Variants in ZFHX3 observed in about 807,000 individuals in gnomAD.
ZFHX3 encodes the protein zinc finger homeobox protein 3.
Under a neutral mutation model 279.1 loss-of-function variants are expected in ZFHX3, and 42 were observed. That is an observed-to-expected ratio of 0.15 (90% CI 0.12 to 0.19). ZFHX3 has a LOEUF of 0.19. Ranked by LOEUF, ZFHX3 falls within the 10% of genes least tolerant of loss-of-function variation. The probability of loss-of-function intolerance (pLI) is 1.00; values close to 1 mark genes in which losing one functional copy is unlikely to be tolerated. For missense variants in ZFHX3, 4,981 were observed against 4,754.0 expected, an observed-to-expected ratio of 1.05 and a Z score of -1.40; for synonymous variants, 2,293 against 1,957.8, an observed-to-expected ratio of 1.17 and a Z score of -4.52.
intron 1 of ZFHX3, among the ~76,000 whole-genome samples, chr16:73,766,154 T>A (rs1285303274): frequency 1.3e-5 from 2 of 152,212 alleles, no homozygotes; most frequent in African/African-American, 4.8e-5. Context: ...TGTTCCAATG[T>A]CACTTTAGTC....
At chr16:72,911,302 T>C (rs1301114703) in intron 3 of ZFHX3, among the ~76,000 whole-genome samples, 3 of 152,166 alleles carry the variant, frequency 2.0e-5, no homozygotes, top group Admixed American at 1.3e-4. Flanking sequence ...AACAGCTCCA[T>C]GTTTCCCCCA....
chr16:72,819,189 A>C (rs1023345846), intron 5 of ZFHX3, among the ~76,000 whole-genome samples: 7 of 152,052 alleles, frequency 4.6e-5, no homozygotes, highest in Admixed American at 3.9e-4. Flanking sequence ...ATCACTCTTC[A>C]TCGTGACCCT....
At chr16:72,948,143 G>A (rs1017583624) in intron 3 of ZFHX3, among the ~76,000 whole-genome samples, 5 of 152,206 alleles carry the variant, frequency 3.3e-5, no homozygotes, top group South Asian at 2.1e-4. Context: ...CCCCTGTGGC[G>A]AAGCCCGGGC....
rs192467998 is a variant in ZFHX3 at position 73,765,996 on chromosome 16, T to C, written c.-1607-85756A>G. Among the ~76,000 whole-genome samples, 11 of 152,292 alleles carry C rather than the reference T, an allele frequency of 7.2e-5. No individual in the cohort carries two copies. In the East Asian group the frequency reaches 1.9e-3, roughly 27 times the overall value. On this transcript the variant is annotated intron_variant, in intron 1 of 17. Transcript: ENST00000641206. ...CAATACAGTTTCAGGTTTTGGGAAT[T>C]GGGGAGAAAAGAAAAATTAAAACTC...
intron 2 of ZFHX3, among the ~76,000 whole-genome samples, chr16:73,600,106 G>C (rs957747856): frequency 6.6e-6 from 1 of 152,174 alleles, no homozygotes; most frequent in Non-Finnish European, 1.5e-5. Context: ...GATGTTCTTT[G>C]TATCAGAATG....
intron 1 of ZFHX3, among the ~76,000 whole-genome samples, chr16:73,057,164 A>T (rs1965573628): frequency 6.6e-6 from 1 of 152,252 alleles, no homozygotes; most frequent in Non-Finnish European, 1.5e-5. Context: ...CCTACTTGAA[A>T]GCAACAAGGG....
intron 1 of ZFHX3, among the ~76,000 whole-genome samples, chr16:73,794,899 T>C (rs906645105): frequency 6.6e-6 from 1 of 152,228 alleles, no homozygotes; most frequent in Non-Finnish European, 1.5e-5. Context: ...GTTCATGTTC[T>C]AGGTAAATGA....
intron 2 of ZFHX3, among the ~76,000 whole-genome samples, chr16:73,653,831 T>C (rs1170998338): frequency 6.6e-6 from 1 of 151,382 alleles, no homozygotes; most frequent in Non-Finnish European, 1.5e-5. Flanking sequence ...TAAAAGGCAT[T>C]GAAGAAAGAA....
chr16:73,875,400 A>C (rs972835719), intron 1 of ZFHX3, among the ~76,000 whole-genome samples: 1 of 152,220 alleles, frequency 6.6e-6, no homozygotes, highest in African/African-American at 2.4e-5. Context: ...ATTGTTATAA[A>C]TCTTATCAAG....
intron 1 of ZFHX3, among the ~76,000 whole-genome samples, chr16:72,977,676 A>T (rs1962408897): frequency 6.6e-6 from 1 of 151,910 alleles, no homozygotes; most frequent in Non-Finnish European, 1.5e-5. Flanking sequence ...CAGGGGACTC[A>T]GGGAAAAAAA....
intron 5 of ZFHX3, among the ~76,000 whole-genome samples, chr16:73,182,867 A>G (rs1043694595): frequency 1.2e-4 from 16 of 138,916 alleles, no homozygotes; most frequent in Admixed American, 3.0e-4. Context: ...TTACAATCAC[A>G]GACACTGGAG....
Position 73,604,894 on chromosome 16 carries a change from G to C in ZFHX3, c.-1547+75286C>G, listed in dbSNP as rs557764869. ...GGACCTTTTTTTCAATCTCTACTGG[G>C]GTAGACTGAGGCAGAAGAAAGTCCA... On this transcript the variant is annotated intron_variant, in intron 2 of 17. Transcript: ENST00000641206. Among the ~76,000 whole-genome samples the C allele has an allele frequency of 3.1e-3, 465 of 152,182 alleles. 4 individuals are homozygous for C. Among genetic ancestry groups the C allele is most frequent in the Non-Finnish European group, 2.2e-3 (153 of 68,010 alleles).
At chr16:73,891,034 C>G (rs1321467808) in intron 1 of ZFHX3, among the ~76,000 whole-genome samples, 1 of 150,148 alleles carries the variant, frequency 6.7e-6, no homozygotes, top group Non-Finnish European at 1.5e-5. Flanking sequence ...CCCCCTCCAC[C>G]TCACCCCCGC....
intron 1 of ZFHX3, among the ~76,000 whole-genome samples, chr16:73,026,315 G>A (rs991484787): frequency 6.6e-6 from 1 of 150,904 alleles, no homozygotes; most frequent in Non-Finnish European, 1.5e-5. Context: ...GGAGGTTGCA[G>A]TGAGCCGAGA....
intron 5 of ZFHX3, among the ~76,000 whole-genome samples, chr16:73,217,170 C>G (rs559814756): frequency 6.6e-6 from 1 of 152,310 alleles, no homozygotes; most frequent in African/African-American, 2.4e-5. Context: ...GGCTGTAGCC[C>G]TCAGATGGGT....
At chr16:73,132,282 C>T (rs1597170986) in intron 6 of ZFHX3, among the ~76,000 whole-genome samples, 2 of 150,762 alleles carry the variant, frequency 1.3e-5, no homozygotes, top group East Asian at 3.9e-4. Flanking sequence ...AAGACTCTGT[C>T]TCAAAAAAAA....
chr16:73,557,200 C>T (rs529072082), intron 2 of ZFHX3, among the ~76,000 whole-genome samples: 74 of 151,424 alleles, frequency 4.9e-4, no homozygotes, highest in African/African-American at 1.7e-3. Flanking sequence ...GGCCTTTTGC[C>T]TGGTCTTCTG....
chr16:73,129,645 CGT>C (rs72266648), intron 7 of ZFHX3, among the ~76,000 whole-genome samples: 3,676 of 150,996 alleles, frequency 0.024, 150 homozygotes, highest in African/African-American at 0.085. Flanking sequence ...TGTGCGTGTG[CGT>C]GTGTGCATGT....
chr16:73,632,888 AAC>A (rs1481119200), intron 2 of ZFHX3, among the ~76,000 whole-genome samples: 4 of 152,128 alleles, frequency 2.6e-5, no homozygotes, highest in Non-Finnish European at 5.9e-5. Context: ...CATCCTGGCT[AAC>A]ACAGTGAAAC....
Sources: gnomAD v4.1 joint callset for allele counts (sites outside exome capture counted in the v4.1 genomes callset) on GRCh38, gnomAD v4.1.1 for gene constraint, MANE v1.5 for transcripts, NCBI Gene and HGNC (gene_info 2026-07-23, HGNC 2026-07-21) for gene names.